HPS3: variants seen among roughly 807,000 people sequenced by gnomAD.
HPS3 encodes HPS3 biogenesis of lysosomal organelles complex 2 subunit 1, also known as BLOC-2 complex member HPS3.
In HPS3, 79 loss-of-function variants were observed where a neutral mutation model predicts 110.9. The observed-to-expected ratio is 0.71, with a 90% CI of 0.59 to 0.86. The LOEUF is 0.86. HPS3 is among the 40% of genes least tolerant of loss of function. HPS3 has a pLI of 0.00. For missense variants in HPS3, 1,197 were observed against 1,206.2 expected, an observed-to-expected ratio of 0.99 and a Z score of 0.11; for synonymous variants, 428 against 451.0, an observed-to-expected ratio of 0.95 and a Z score of 0.65.
Position 149,167,996 on chromosome 3 carries a change from T to TC in HPS3, c.2887+13_2887+14insC. On this transcript the variant is annotated intron_variant, in intron 16 of 16. Transcript: ENST00000296051. ...TCATCATTAAAAGGTAAAATGATTT[T>TC]TTTTTTGCTTGATTATAAACTTAAG... The TC allele has an allele frequency of 7.2e-7, 1 of 1,392,372 alleles. No homozygotes were observed. 86.3% of individuals were successfully genotyped at this position (1,392,372 alleles called of 1,614,324 possible). A position where few individuals can be genotyped will look rare whatever the true frequency, so the allele number is the denominator to read the frequency against.
At position 149,129,896 on chromosome 3, in the gene HPS3, T is replaced by C; in HGVS notation, c.173T>C (p.Phe58Ser). ...GAGCTGTGCCAGCCGCGGTGCGCCT[T>C]CTCCACGCTGGGCCGGGTGTTGCGC... ...GQELCQPRCA[F>S]STLGRVLRLA... The change falls in exon 1 of 17, where the codon TTC (phenylalanine) becomes TCC (serine). Residue 58 changes from phenylalanine to serine, a missense_variant. Transcript: ENST00000296051. 6.3e-7 allele frequency: 1 copy of C among 1,582,278 alleles called. No homozygotes were observed. Among genetic ancestry groups the C allele is most frequent in the Non-Finnish European group, 8.5e-7 (1 of 1,170,302 alleles).
rs780183200 is a variant in HPS3 at position 149,155,215 on chromosome 3, G to A, written c.1509G>A (p.Met503Ile). 1.3e-5 allele frequency: 19 copies of A among 1,429,238 alleles called. No homozygotes were observed. The South Asian group carries it at 2.2e-4, about 16-fold the overall frequency. The allele number at this position is 1,429,238 out of a possible 1,614,324, so 88.5% of individuals were successfully genotyped here. A position where few individuals can be genotyped will look rare whatever the true frequency, so the allele number is the denominator to read the frequency against. ...TISPVQLYKEMVDYSNTYKTV... is the reference protein window; with the variant it reads ...TISPVQLYKEIVDYSNTYKTV... ...CACCAGTGCAGCTGTACAAAGAGAT[G>A]GTACTCTTTTCAAACTTCTGATTCT... Residue 503 changes from methionine to isoleucine, a missense_variant and splice_region_variant, in exon 8 of 17, where the codon ATG becomes ATA. Physicochemically the swap from Met to Ile is conservative, Grantham distance 10. Coordinates refer to ENST00000296051, the MANE Select transcript of HPS3 (RefSeq NM_032383.5).
intron 10 of HPS3, among the ~76,000 whole-genome samples, chr3:149,159,655 A>G (rs1346135709): frequency 6.6e-6 from 1 of 152,216 alleles, no homozygotes; most frequent in Non-Finnish European, 1.5e-5. Context: ...AAATGTTTTA[A>G]GGTTTTGAAA....
Position 149,129,653 on chromosome 3 carries a change from T to A in HPS3, c.-71T>A. 12 of 1,212,968 alleles carry A rather than the reference T, an allele frequency of 9.9e-6. No homozygotes were observed. Among genetic ancestry groups the A allele is most frequent in the Non-Finnish European group, 1.3e-5 (12 of 898,886 alleles). The allele number at this position is 1,212,968 out of a possible 1,614,324, so 75.1% of individuals were successfully genotyped here. A position where few individuals can be genotyped will look rare whatever the true frequency, so the allele number is the denominator to read the frequency against. ...GCTCGCTCGCGGAAGTAGTCCTACA[T>A]TCGCGGTCAGCGCGGGGTCTCCGGG... is the stretch of plus-strand genomic sequence containing the variant. On this transcript the variant is annotated 5_prime_UTR_variant, in exon 1 of 17. Transcript: ENST00000296051.
intron 11 of HPS3, 88 bp downstream of exon 11, chr3:149,160,367 C>T: frequency 2.4e-6 from 2 of 846,402 alleles, no homozygotes; most frequent in East Asian, 5.2e-5. Context: ...TTCTTTCTAG[C>T]TTATATATTC....
chr3:149,130,145 T>G (rs1260316299), intron 1 of HPS3: 6 of 586,990 alleles, frequency 1.0e-5, no homozygotes, highest in Non-Finnish European at 1.8e-5. Flanking sequence ...AGGTATGAGC[T>G]TGCTTCTGTC....
At chr3:149,133,153 G>A (rs1721873375) in intron 1 of HPS3, among the ~76,000 whole-genome samples, 1 of 152,196 alleles carries the variant, frequency 6.6e-6, no homozygotes, top group African/African-American at 2.4e-5. Flanking sequence ...GCAATGAGAA[G>A]GTTTGAAAAG....
intron 11 of HPS3, among the ~76,000 whole-genome samples, chr3:149,161,613 G>T (rs557414641): frequency 6.7e-6 from 1 of 149,478 alleles, no homozygotes; most frequent in African/African-American, 2.5e-5. Context: ...AGGTTCAAGC[G>T]ATTCTCCTGC....
chr3:149,151,061 G>T (rs1335590124), intron 6 of HPS3, among the ~76,000 whole-genome samples: 1 of 151,854 alleles, frequency 6.6e-6, no homozygotes, highest in African/African-American at 2.4e-5. Flanking sequence ...AGGCTGGAGG[G>T]CAGTGGCAAA....
Position 149,172,291 on chromosome 3 carries a change from AAGT to A in HPS3, c.*72_*74del. Reference sequence around the variant, plus strand: ...TTCTAAAAATTGAATGCCAAAGTACAAGTAGAGGAGTTTTTTATTTTATATATC... The same window carrying A: ...TTCTAAAAATTGAATGCCAAAGTACAAGAGGAGTTTTTTATTTTATATATC... On this transcript the variant is annotated 3_prime_UTR_variant, in exon 17 of 17. Transcript: ENST00000296051. 1 of 1,260,446 alleles carries A rather than the reference AAGT, an allele frequency of 7.9e-7. No individual in the cohort carries two copies. Among genetic ancestry groups the A allele is most frequent in the Non-Finnish European group, 1.1e-6 (1 of 881,678 alleles). The allele number at this position is 1,260,446 out of a possible 1,614,324, so 78.1% of individuals were successfully genotyped here. A position where few individuals can be genotyped will look rare whatever the true frequency, so the allele number is the denominator to read the frequency against.
chr3:149,141,541 T>TG (rs1275934740), intron 4 of HPS3, among the ~76,000 whole-genome samples, 161 bp downstream of exon 4: 7 of 110,308 alleles, frequency 6.3e-5, no homozygotes, highest in Non-Finnish European at 8.1e-5. Context: ...GTTTTTTTTT[T>TG]TTTTTTTTTT....
chr3:149,131,187 C>T (rs1406799467), intron 1 of HPS3, among the ~76,000 whole-genome samples: 1 of 151,096 alleles, frequency 6.6e-6, no homozygotes, highest in Non-Finnish European at 1.5e-5. Flanking sequence ...CCTGGGATTT[C>T]GTGGCTCAAT....
intron 16 of HPS3, among the ~76,000 whole-genome samples, chr3:149,171,095 T>C (rs188243958): frequency 3.9e-5 from 6 of 152,282 alleles, no homozygotes; most frequent in African/African-American, 1.4e-4. Context: ...CTGGCCAACA[T>C]GGTGAAACCC....
intron 10 of HPS3, 141 bp downstream of exon 10, chr3:149,158,987 T>G (rs1723626850): frequency 1.6e-6 from 1 of 636,850 alleles, no homozygotes; most frequent in African/African-American, 1.8e-5. Flanking sequence ...ATGTGACCTT[T>G]TCTTCATTAA....
chr3:149,143,860 G>A (rs1194758848), intron 4 of HPS3, among the ~76,000 whole-genome samples: 1 of 152,048 alleles, frequency 6.6e-6, no homozygotes, highest in Admixed American at 6.5e-5. Flanking sequence ...TGTCAGTCAG[G>A]GTACTTGTTA....
intron 5 of HPS3, among the ~76,000 whole-genome samples, chr3:149,147,955 C>T (rs1330004092): frequency 2.0e-5 from 3 of 152,140 alleles, no homozygotes; most frequent in Non-Finnish European, 4.4e-5. Context: ...ACTGCAACCT[C>T]TGCCTCCCGG....
intron 16 of HPS3, among the ~76,000 whole-genome samples, chr3:149,170,787 C>T (rs1037713512): frequency 3.3e-5 from 5 of 152,170 alleles, no homozygotes; most frequent in East Asian, 1.9e-4. Context: ...ATAGAGTAAG[C>T]GATGGGCATG....
rs1721620467 is a variant in HPS3, at chr3:149,129,700, T to A, written c.-24T>A. ...CGGGCGCCCTGCAGGGCGGGCAGGC[T>A]GTGCCATCCCGCCGGACGTCGGGAT... On this transcript the variant is annotated 5_prime_UTR_variant, in exon 1 of 17. Coordinates refer to ENST00000296051, the MANE Select transcript of HPS3 (RefSeq NM_032383.5). 4 of 1,546,232 alleles carry A rather than the reference T, an allele frequency of 2.6e-6. No individual in the cohort carries two copies. The highest frequency in any genetic ancestry group is 3.5e-6 in the Non-Finnish European group (4 of 1,147,414).
intron 16 of HPS3, among the ~76,000 whole-genome samples, chr3:149,169,885 T>C (rs1724804557): frequency 1.3e-5 from 2 of 152,204 alleles, no homozygotes; most frequent in African/African-American, 4.8e-5. Flanking sequence ...CTTTGACAAA[T>C]ATTTTCTAGA....
Sources: allele counts gnomAD v4.1 joint callset (sites outside exome capture counted in the v4.1 genomes callset), GRCh38; gene constraint gnomAD v4.1.1; transcripts MANE v1.5; gene names NCBI Gene and HGNC (gene_info 2026-07-23, HGNC 2026-07-21).